TRPC4: variants seen among roughly 807,000 people sequenced by gnomAD.
TRPC4 encodes the protein transient receptor potential cation channel subfamily C member 4, also known as short transient receptor potential channel 4.
TRPC4 carries 49 observed loss-of-function variants against 99.4 expected under a neutral mutation model. The ratio of observed to expected loss-of-function variants is 0.49; its 90% CI spans 0.39 to 0.63. TRPC4 has a LOEUF of 0.63. Ranked by LOEUF, TRPC4 falls within the 20% of genes least tolerant of loss-of-function variation. The pLI, the probability that TRPC4 is intolerant of heterozygous loss-of-function variation, is 0.00. For missense variants in TRPC4, 898 were observed against 1,152.9 expected, an observed-to-expected ratio of 0.78 and a Z score of 3.20; for synonymous variants, 454 against 425.9, an observed-to-expected ratio of 1.07 and a Z score of -0.81.
intron 1 of TRPC4, among the ~76,000 whole-genome samples, chr13:37,851,141 A>G (rs1959042297): frequency 6.6e-6 from 1 of 152,202 alleles, no homozygotes; most frequent in African/African-American, 2.4e-5. Flanking sequence ...CCTACAACAT[A>G]GGAACAGGGT....
intron 2 of TRPC4, among the ~76,000 whole-genome samples, chr13:37,764,698 T>G (rs749059200): frequency 3.3e-5 from 5 of 151,394 alleles, no homozygotes; most frequent in African/African-American, 1.2e-4. Flanking sequence ...TTTTGTTACA[T>G]TCTTTTAATC....
At chr13:37,756,680 G>A (rs1000615734) in intron 2 of TRPC4, among the ~76,000 whole-genome samples, 4 of 151,572 alleles carry the variant, frequency 2.6e-5, no homozygotes, top group Non-Finnish European at 5.9e-5. Context: ...TTACAGGCAG[G>A]CACCACCACA....
At chr13:37,726,190 C>T (rs1305349879) in intron 3 of TRPC4, among the ~76,000 whole-genome samples, 3 of 148,816 alleles carry the variant, frequency 2.0e-5, no homozygotes, top group Non-Finnish European at 3.0e-5. Flanking sequence ...AGTGAGACAC[C>T]GTCCCCCCCC....
At chr13:37,851,519 C>T (rs973727497) in intron 1 of TRPC4, among the ~76,000 whole-genome samples, 5 of 152,020 alleles carry the variant, frequency 3.3e-5, no homozygotes, top group African/African-American at 1.2e-4. Flanking sequence ...AATGGAAATA[C>T]TAGAAGTGGA....
intron 1 of TRPC4, among the ~76,000 whole-genome samples, chr13:37,827,705 G>A (rs1465898290): frequency 6.6e-6 from 1 of 152,198 alleles, no homozygotes; most frequent in African/African-American, 2.4e-5. Flanking sequence ...TAAGTCTGCA[G>A]AGGTTACTGC....
At chr13:37,678,956 T>C (rs1953147520) in intron 4 of TRPC4, among the ~76,000 whole-genome samples, 1 of 152,102 alleles carries the variant, frequency 6.6e-6, no homozygotes, top group African/African-American at 2.4e-5. Context: ...ATTTATCCCA[T>C]CAACAGCTTT....
At chr13:37,715,744 A>T (rs570548311) in intron 3 of TRPC4, among the ~76,000 whole-genome samples, 1 of 152,310 alleles carries the variant, frequency 6.6e-6, no homozygotes, top group African/African-American at 2.4e-5. Flanking sequence ...AGATCATAAC[A>T]TCATAGGCTG....
At chr13:37,807,968 C>T (rs1957571744) in intron 1 of TRPC4, among the ~76,000 whole-genome samples, 1 of 151,992 alleles carries the variant, frequency 6.6e-6, no homozygotes, top group African/African-American at 2.4e-5. Context: ...TCAGACATTC[C>T]TAGTTATGGA....
chr13:37,650,776 T>A (rs897052660), intron 8 of TRPC4, among the ~76,000 whole-genome samples: 1 of 152,050 alleles, frequency 6.6e-6, no homozygotes, highest in Non-Finnish European at 1.5e-5. Flanking sequence ...CAGTCAATCA[T>A]TTAATTGAGA....
chr13:37,648,090 G>T (rs892312624), intron 8 of TRPC4, among the ~76,000 whole-genome samples: 1 of 151,998 alleles, frequency 6.6e-6, no homozygotes. Flanking sequence ...CTACAGGCAC[G>T]TGCCACCACG....
intron 1 of TRPC4, among the ~76,000 whole-genome samples, chr13:37,849,791 C>G (rs1464256245): frequency 6.6e-6 from 1 of 152,156 alleles, no homozygotes; most frequent in Admixed American, 6.6e-5. Context: ...GTGTTGGGAG[C>G]CAATCATGGT....
At chr13:37,695,211 A>C (rs1413690854) in intron 3 of TRPC4, among the ~76,000 whole-genome samples, 29 of 137,300 alleles carry the variant, frequency 2.1e-4, no homozygotes, top group African/African-American at 3.0e-4. Context: ...TCCCACCCTC[A>C]CTCCCTTCCT....
intron 1 of TRPC4, among the ~76,000 whole-genome samples, chr13:37,798,163 T>C (rs1957305644): frequency 6.6e-6 from 1 of 152,158 alleles, no homozygotes; most frequent in African/African-American, 2.4e-5. Context: ...AATGAAAGTA[T>C]GTTCTTTAAT....
At chr13:37,824,538 T>C (rs2139556554) in intron 1 of TRPC4, among the ~76,000 whole-genome samples, 1 of 152,058 alleles carries the variant, frequency 6.6e-6, no homozygotes, top group East Asian at 1.9e-4. Context: ...AATCATGTGG[T>C]TTTTGTCTTT....
At chr13:37,765,819 T>C (rs1022597401) in intron 2 of TRPC4, among the ~76,000 whole-genome samples, 5 of 151,526 alleles carry the variant, frequency 3.3e-5, no homozygotes, top group African/African-American at 1.2e-4. Context: ...TAGAATTATT[T>C]TGATTAATTT....
rs550227821 is a variant in TRPC4 at position 37,734,304 on chromosome 13, C to A, written c.897+11633G>T. Reference sequence around the variant, plus strand: ...GCTCTTGGAAATCTCATTTTATTATCTAAGCAAGAGCAAAATTCCAGGTTT... The same window carrying A: ...GCTCTTGGAAATCTCATTTTATTATATAAGCAAGAGCAAAATTCCAGGTTT... On this transcript the variant is annotated intron_variant, in intron 3 of 10. Coordinates refer to ENST00000379705, the MANE Select transcript of TRPC4 (RefSeq NM_016179.4). 2.0e-5 allele frequency among the ~76,000 whole-genome samples: 3 copies of A among 152,228 alleles called. No homozygotes were observed. In the South Asian group the frequency reaches 6.2e-4, roughly 32 times the overall value.
chr13:37,647,724 CA>C (rs1016559767), intron 8 of TRPC4, among the ~76,000 whole-genome samples: 1 of 152,210 alleles, frequency 6.6e-6, no homozygotes, highest in African/African-American at 2.4e-5. Context: ...GCTAGTTTCA[CA>C]AAGTGAGTGT....
intron 2 of TRPC4, among the ~76,000 whole-genome samples, chr13:37,755,860 T>C (rs971136091): frequency 3.9e-5 from 6 of 152,118 alleles, no homozygotes; most frequent in Admixed American, 6.6e-5. Flanking sequence ...AGAAACTTTA[T>C]GAAAAAGGTG....
At chr13:37,815,163 T>C (rs1478212670) in intron 1 of TRPC4, among the ~76,000 whole-genome samples, 1 of 151,704 alleles carries the variant, frequency 6.6e-6, no homozygotes, top group African/African-American at 2.4e-5. Context: ...TCATACAATA[T>C]GGAAAATTCA....
Sources: gnomAD v4.1 joint callset for allele counts (sites outside exome capture counted in the v4.1 genomes callset) on GRCh38, gnomAD v4.1.1 for gene constraint, MANE v1.5 for transcripts, NCBI Gene and HGNC (gene_info 2026-07-23, HGNC 2026-07-21) for gene names.